The following ENPP1 variants were observed in gnomAD, a reference collection of about 807,000 sequenced individuals.
ENPP1 encodes ectonucleotide pyrophosphatase/phosphodiesterase family member 1.
Under a neutral mutation model 122.8 loss-of-function variants are expected in ENPP1, and 73 were observed. The observed-to-expected ratio is 0.59, with a 90% CI of 0.49 to 0.72. The LOEUF (loss-of-function observed/expected upper bound fraction) is 0.72, where lower values mean the gene tolerates loss of function less well. Among genes scored for constraint, ENPP1 ranks in the 30% least tolerant of loss-of-function variants. The pLI is 0.00. For missense variants in ENPP1, 978 were observed against 1,128.1 expected, an observed-to-expected ratio of 0.87 and a Z score of 1.91; for synonymous variants, 367 against 391.6, an observed-to-expected ratio of 0.94 and a Z score of 0.74.
chr6:131,827,387 A>G (rs1562512107), intron 1 of ENPP1: 1 of 780,224 alleles, frequency 1.3e-6, no homozygotes, highest in Non-Finnish European at 2.3e-6. Flanking sequence ...CCTCAAAGGA[A>G]TATTGCTTCA....
At chr6:131,882,802 G>A (rs1356345513) in intron 21 of ENPP1, among the ~76,000 whole-genome samples, 1 of 151,544 alleles carries the variant, frequency 6.6e-6, no homozygotes, top group Non-Finnish European at 1.5e-5. Context: ...TTGATGTAGT[G>A]CAGATATGGT....
At chr6:131,880,432 CG>C (rs982258938) in intron 20 of ENPP1, among the ~76,000 whole-genome samples, 7 of 151,676 alleles carry the variant, frequency 4.6e-5, no homozygotes, top group African/African-American at 1.7e-4. Flanking sequence ...GGCGTGGTGG[CG>C]GGCGCCTGTA....
rs1193565754 is a variant in ENPP1, at chr6:131,877,138, C to A, written c.1870C>A (p.Leu624Ile). 6.2e-7 allele frequency: 1 copy of A among 1,613,866 alleles called. No individual in the cohort carries two copies. Among genetic ancestry groups the A allele is most frequent in the Non-Finnish European group, 8.5e-7 (1 of 1,179,918 alleles). ...CTTCACAAGAAACCCCAGAGATAACCTTGGCTGCTCATGTAACCCTTCGGT... is the reference window on the plus strand; with the variant it reads ...CTTCACAAGAAACCCCAGAGATAACATTGGCTGCTCATGTAACCCTTCGGT... ...CPFTRNPRDN[L>I]GCSCNPSILP... Residue 624 changes from leucine to isoleucine, a missense_variant, in exon 18 of 25, where the codon CTT becomes ATT. Coordinates refer to ENST00000647893, the MANE Select transcript of ENPP1 (RefSeq NM_006208.3).
rs767298384 is a variant in ENPP1, at chr6:131,869,409, G to T, written c.1325G>T (p.Gly442Val). ...TACATATATCTGAATAAATATTTGG[G>T]GGATGTTAAAAATATTAAAGTTATC... ...KKYIYLNKYL[G>V]DVKNIKVIYG... Residue 442 changes from glycine (G) to valine (V), a missense_variant, in exon 13 of 25, where the codon GGG (glycine) becomes GTG (valine). Gly to Val is a moderately radical substitution (Grantham distance 109). Transcript: ENST00000647893. 1 of 1,612,140 alleles carries T rather than the reference G, an allele frequency of 6.2e-7. No individual in the cohort carries two copies. Among genetic ancestry groups the T allele is most frequent in the Admixed American group, 1.7e-5 (1 of 59,944 alleles).
intron 8 of ENPP1, 56 bp from the exon 9 acceptor site, chr6:131,861,539 T>A: frequency 8.9e-7 from 1 of 1,120,730 alleles, no homozygotes; most frequent in Non-Finnish European, 1.4e-6. Context: ...ATACATACTT[T>A]CCTAAGAGAT....
At chr6:131,853,308 C>T (rs754297573) in intron 5 of ENPP1, among the ~76,000 whole-genome samples, 2 of 152,044 alleles carry the variant, frequency 1.3e-5, no homozygotes, top group Non-Finnish European at 2.9e-5. Flanking sequence ...TCTTTTAAAT[C>T]CAAGGAATAC....
chr6:131,873,649 AT>A (rs2114716255), intron 15 of ENPP1, among the ~76,000 whole-genome samples: 1 of 152,178 alleles, frequency 6.6e-6, no homozygotes, highest in African/African-American at 2.4e-5. Context: ...TGGATGGTTA[AT>A]AGTGTTAATA....
intron 5 of ENPP1, among the ~76,000 whole-genome samples, chr6:131,854,692 A>G (rs985318100): frequency 2.0e-5 from 3 of 152,158 alleles, no homozygotes; most frequent in Admixed American, 1.3e-4. Flanking sequence ...CTTAATATAT[A>G]CTATGTGATG....
chr6:131,881,432 T>C (rs1256668657), intron 20 of ENPP1, among the ~76,000 whole-genome samples: 1 of 152,200 alleles, frequency 6.6e-6, no homozygotes, highest in Non-Finnish European at 1.5e-5. Flanking sequence ...TTCAGTTTTC[T>C]TATGTAATTA....
chr6:131,829,628 A>G (rs529483852), intron 1 of ENPP1, among the ~76,000 whole-genome samples: 1 of 152,356 alleles, frequency 6.6e-6, no homozygotes, highest in East Asian at 1.9e-4. Flanking sequence ...AAAATAATTT[A>G]ATATAGGAAA....
At chr6:131,855,085 C>T in intron 6 of ENPP1, 62 bp downstream of exon 6, 1 of 1,217,820 alleles carries the variant, frequency 8.2e-7, no homozygotes, top group East Asian at 2.3e-5. Flanking sequence ...ACTAGGCAGG[C>T]AGTCTTTCTT....
At chr6:131,849,053 TC>T (rs1021645571) in intron 2 of ENPP1, among the ~76,000 whole-genome samples, 26 of 152,300 alleles carry the variant, frequency 1.7e-4, no homozygotes, top group African/African-American at 6.3e-4. Context: ...TTTCTTTTTT[TC>T]TCATTGTCCT....
At chr6:131,886,778 ATTTG>A (rs1782383547) in intron 24 of ENPP1, 54 bp downstream of exon 24, 5 of 1,505,456 alleles carry the variant, frequency 3.3e-6, no homozygotes, top group Non-Finnish European at 3.7e-6. Flanking sequence ...ACATATGCAT[ATTTG>A]TTTATGTCAC....
chr6:131,828,308 T>A (rs1781571074), intron 1 of ENPP1: 1 of 514,102 alleles, frequency 1.9e-6, no homozygotes, highest in Non-Finnish European at 3.8e-6. Context: ...CATGTCCACA[T>A]GATCAGCATG....
intron 1 of ENPP1, among the ~76,000 whole-genome samples, chr6:131,841,569 G>A (rs1216962987): frequency 6.6e-6 from 1 of 152,146 alleles, no homozygotes; most frequent in Non-Finnish European, 1.5e-5. Context: ...AGGAAAATTA[G>A]GGGATTTATG....
At chr6:131,863,495 G>T (rs1041564942) in intron 9 of ENPP1, among the ~76,000 whole-genome samples, 2 of 152,040 alleles carry the variant, frequency 1.3e-5, no homozygotes, top group African/African-American at 4.8e-5. Context: ...TCCCAGACAC[G>T]AAATGCTTAG....
At position 131,877,037 on chromosome 6, in the gene ENPP1, G is replaced by A. The variant is rs748798632; in HGVS notation, c.1769G>A (p.Ser590Asn). ...GCTCCTAATAACGGAACTCATGGAA[G>A]TCTTAACCACCTTCTAAAGAATCCT... is the stretch of plus-strand genomic sequence containing the variant. ...TPAPNNGTHG[S>N]LNHLLKNPVY... is the part of the protein sequence containing the mutation. The change falls in exon 18 of 25, where the codon AGT (serine) becomes AAT (asparagine). Residue 590 changes from serine to asparagine, a missense_variant. This residue lies in a region of ENPP1 where 644 missense variants were observed against 781.5 expected (regional missense o/e 0.82). Coordinates refer to ENST00000647893, the MANE Select transcript of ENPP1 (RefSeq NM_006208.3). 1.9e-6 allele frequency: 3 copies of A among 1,613,982 alleles called. No homozygotes were observed. Among genetic ancestry groups the A allele is most frequent in the African/African-American group, 1.3e-5 (1 of 74,920 alleles).
At chr6:131,855,150 G>T in intron 6 of ENPP1, 127 bp downstream of exon 6, 1 of 738,482 alleles carries the variant, frequency 1.4e-6, no homozygotes, top group Non-Finnish European at 2.5e-6. Context: ...TGGCAAAGTA[G>T]TTGAACCTTG....
At position 131,844,654 on chromosome 6, in the gene ENPP1, T is replaced by C. The variant is rs186979340; in HGVS notation, c.241-3122T>C. 2.6e-5 allele frequency among the ~76,000 whole-genome samples: 4 copies of C among 152,316 alleles called. No homozygotes were observed. In the East Asian group the frequency reaches 7.7e-4, roughly 29 times the overall value. On this transcript the variant is annotated intron_variant, in intron 1 of 24. Coordinates refer to ENST00000647893, the MANE Select transcript of ENPP1 (RefSeq NM_006208.3). ...ATTGAAGTCAAAGTAAATGGAGTTA[T>C]GGAAGAAACAGCTAACCGTGGGAAT...
Sources: allele counts gnomAD v4.1 joint callset (sites outside exome capture counted in the v4.1 genomes callset), GRCh38; gene constraint gnomAD v4.1.1; regional missense constraint gnomAD v4.1.1; transcripts MANE v1.5; gene names NCBI Gene and HGNC (gene_info 2026-07-23, HGNC 2026-07-21).